Variants in PTPRQ observed in about 807,000 individuals in gnomAD.
PTPRQ encodes the protein protein tyrosine phosphatase receptor type Q, also known as phosphatidylinositol phosphatase PTPRQ.
PTPRQ carries 199 observed loss-of-function variants against 246.0 expected under a neutral mutation model. The observed-to-expected ratio is 0.81, with a 90% confidence interval of 0.72 to 0.91. PTPRQ has a LOEUF of 0.91. Among genes scored for constraint, PTPRQ ranks in the 40% least tolerant of loss-of-function variants. The pLI is 0.00. For synonymous variants in PTPRQ, 869 were observed against 853.2 expected (o/e 1.02, Z -0.32); for missense variants, 2,624 against 2,528.4 (o/e 1.04, Z -0.81).
At chr12:80,504,791 A>G (rs548435557) in intron 14 of PTPRQ, among the ~76,000 whole-genome samples, 2 of 152,070 alleles carry the variant, frequency 1.3e-5, no homozygotes, top group East Asian at 3.9e-4. Context: ...TGATCATAGG[A>G]ATAGGCTTAT....
intron 29 of PTPRQ, among the ~76,000 whole-genome samples, chr12:80,615,368 A>G (rs1898713528): frequency 6.6e-6 from 1 of 151,052 alleles, no homozygotes; most frequent in Admixed American, 6.6e-5. Context: ...AATATATAAA[A>G]CAAATTAAGT....
chr12:80,482,012 T>G (rs1391341015), intron 8 of PTPRQ, among the ~76,000 whole-genome samples: 1 of 138,586 alleles, frequency 7.2e-6, no homozygotes, highest in Non-Finnish European at 1.6e-5. Flanking sequence ...CTTCACAGAA[T>G]TGGAAAAAAC....
At chr12:80,621,100 G>C (rs528457525) in intron 32 of PTPRQ, among the ~76,000 whole-genome samples, 9 of 151,618 alleles carry the variant, frequency 5.9e-5, no homozygotes, top group Non-Finnish European at 1.0e-4. Flanking sequence ...GTGCCTGTTA[G>C]TTAAAACATT....
At chr12:80,560,516 T>C (rs942663018) in intron 25 of PTPRQ, among the ~76,000 whole-genome samples, 1 of 152,222 alleles carries the variant, frequency 6.6e-6, no homozygotes, top group Non-Finnish European at 1.5e-5. Context: ...CACTGTTATA[T>C]GGCCACAAAA....
intron 27 of PTPRQ, among the ~76,000 whole-genome samples, chr12:80,608,274 C>A (rs1300823108): frequency 6.6e-6 from 1 of 150,380 alleles, no homozygotes; most frequent in African/African-American, 2.4e-5. Flanking sequence ...ACAATATGAG[C>A]AAACAAACTT....
chr12:80,677,518 A>C (rs1901184636), intron 43 of PTPRQ, among the ~76,000 whole-genome samples: 1 of 152,196 alleles, frequency 6.6e-6, no homozygotes, highest in Non-Finnish European at 1.5e-5. Context: ...AAGTCAACAA[A>C]CACTTATTAT....
At chr12:80,617,519 T>G (rs1898807604) in intron 30 of PTPRQ, among the ~76,000 whole-genome samples, 1 of 151,386 alleles carries the variant, frequency 6.6e-6, no homozygotes, top group Non-Finnish European at 1.5e-5. Flanking sequence ...AAATTTATCT[T>G]TGTTATTCAG....
rs1342702719 is a variant in PTPRQ, at chr12:80,605,079, A to T, written c.4630A>T (p.Asn1544Tyr). 2 of 1,542,374 alleles carry T rather than the reference A, an allele frequency of 1.3e-6. No homozygotes were observed. The highest frequency in any genetic ancestry group is 2.5e-5 in the East Asian group (1 of 40,620). ...CATAGCTCCAGATGGTCCTCCTGAA[A>T]ATGTTCATGTAGTAGCAACATCACC... Reference protein sequence around the residue: ...LPGPPDGPPENVHVVATSPFS... With the variant: ...LPGPPDGPPEYVHVVATSPFS... The change falls in exon 27 of 45, where the codon AAT becomes TAT. Residue 1544 changes from asparagine (N) to tyrosine (Y), a missense_variant. Physicochemically the swap from Asn to Tyr is moderately radical, Grantham distance 143. Coordinates refer to ENST00000644991, the MANE Select transcript of PTPRQ (RefSeq NM_001145026.2).
chr12:80,577,112 G>C (rs946353780), intron 25 of PTPRQ, among the ~76,000 whole-genome samples: 5 of 152,144 alleles, frequency 3.3e-5, no homozygotes, highest in Non-Finnish European at 5.9e-5. Context: ...ATGACTTACT[G>C]CATGCAGCTG....
At chr12:80,594,312 G>A (rs1293670707) in intron 26 of PTPRQ, among the ~76,000 whole-genome samples, 2 of 152,088 alleles carry the variant, frequency 1.3e-5, no homozygotes, top group Non-Finnish European at 1.5e-5. Flanking sequence ...GTAAATAGGA[G>A]TCTATAATTC....
At position 80,553,946 on chromosome 12, in the gene PTPRQ, A is replaced by G. The variant is rs368478113; in HGVS notation, c.4285+4212A>G. ...ACTGGAGGACATTATGTTAAGTGAA[A>G]TAAGCCAGGCACAGAAAGACAAACT... On this transcript the variant is annotated intron_variant, in intron 25 of 44. Transcript: ENST00000644991. Among the ~76,000 whole-genome samples the G allele has an allele frequency of 1.2e-4, 19 of 152,320 alleles. No individual in the cohort carries two copies. The East Asian group carries it at 3.3e-3, about 26-fold the overall frequency.
chr12:80,454,589 A>C, intron 3 of PTPRQ: 1 of 702,020 alleles, frequency 1.4e-6, no homozygotes, highest in Non-Finnish European at 2.6e-6. Context: ...GTTTAGGATT[A>C]TGTTGGCTGT....
intron 17 of PTPRQ, among the ~76,000 whole-genome samples, chr12:80,521,077 A>G (rs1426094377): frequency 2.0e-5 from 3 of 151,838 alleles, no homozygotes; most frequent in African/African-American, 7.3e-5. Context: ...ATGGTATCTC[A>G]TTGTGGTTTT....
intron 17 of PTPRQ, among the ~76,000 whole-genome samples, chr12:80,525,253 G>C (rs139598818): frequency 6.6e-6 from 1 of 152,252 alleles, no homozygotes; most frequent in African/African-American, 2.4e-5. Flanking sequence ...AACAGGTCAA[G>C]ATTACTAATA....
intron 17 of PTPRQ, among the ~76,000 whole-genome samples, chr12:80,518,464 G>T (rs746201942): frequency 6.6e-6 from 1 of 151,936 alleles, no homozygotes; most frequent in Non-Finnish European, 1.5e-5. Context: ...TGTTTTCTTT[G>T]CTGTACAGAA....
At chr12:80,598,303 A>T (rs12321476) in intron 26 of PTPRQ, among the ~76,000 whole-genome samples, 31,173 of 151,924 alleles carry the variant, frequency 0.21, 4,938 homozygotes, top group African/African-American at 0.44. Context: ...GACAGTGGTG[A>T]TGCGTTTTGG....
chr12:80,555,954 T>G (rs893981660), intron 25 of PTPRQ, among the ~76,000 whole-genome samples: 7 of 152,300 alleles, frequency 4.6e-5, no homozygotes, highest in Admixed American at 3.3e-4. Flanking sequence ...AATAACTCCA[T>G]TATTATAATA....
At chr12:80,614,834 A>G (rs1898690261) in intron 29 of PTPRQ, among the ~76,000 whole-genome samples, 1 of 151,008 alleles carries the variant, frequency 6.6e-6, no homozygotes, top group Admixed American at 6.6e-5. Context: ...GTGAGGATTA[A>G]ATATTCATAG....
At chr12:80,649,047 T>G (rs1344698164) in intron 36 of PTPRQ, 124 bp downstream of exon 36, 50 of 911,164 alleles carry the variant, frequency 5.5e-5, no homozygotes, top group African/African-American at 7.0e-5. Context: ...AAGCTGGATA[T>G]AAATCATAAA....
Sources: allele counts gnomAD v4.1 joint callset (sites outside exome capture counted in the v4.1 genomes callset), GRCh38; gene constraint gnomAD v4.1.1; transcripts MANE v1.5; gene names NCBI Gene and HGNC (gene_info 2026-07-23, HGNC 2026-07-21).